CFAP91: variants seen among roughly 807,000 people sequenced by gnomAD.
The protein encoded by CFAP91 is cilia and flagella associated protein 91.
In CFAP91, 85 loss-of-function variants were observed where a neutral mutation model predicts 95.9. That is an observed-to-expected ratio of 0.89 (90% confidence interval 0.74 to 1.06). The LOEUF (loss-of-function observed/expected upper bound fraction) is 1.06. Among genes scored for constraint, CFAP91 ranks in the 50% least tolerant of loss-of-function variants. CFAP91 has a pLI of 0.00. For missense variants in CFAP91, 962 were observed against 943.4 expected (o/e 1.02, Z -0.26); for synonymous variants, 335 against 327.5 (o/e 1.02, Z -0.25).
chr3:119,732,569 T>A, intron 9 of CFAP91, 93 bp downstream of exon 9: 1 of 930,116 alleles, frequency 1.1e-6, no homozygotes, highest in Non-Finnish European at 1.6e-6. Context: ...GATTAAAAGC[T>A]AAGCAATAAA....
At position 119,732,420 on chromosome 3, in the gene CFAP91, C is replaced by G. The variant is rs151167502; in HGVS notation, c.1145C>G (p.Pro382Arg). 106 of 1,612,344 alleles carry G rather than the reference C, an allele frequency of 6.6e-5. No individual in the cohort carries two copies. Among genetic ancestry groups the G allele is most frequent in the Admixed American group, 4.2e-4 (25 of 59,694 alleles). ...CCTCTGTCTCGTCTTGGGTGTTTCC[C>G]AGACAACAACTCAGAGGACTTTGTA... The part of the protein sequence containing the change: ...YGPLSRLGCF[P>R]DNNSEDFVVK... The change falls in exon 9 of 18, where the codon CCA becomes CGA. Residue 382 changes from proline to arginine, a missense_variant. By Grantham distance (103) the Pro-to-Arg change is moderately radical. Transcript: ENST00000273390.
At chr3:119,722,657 TA>T (rs1253756592) in intron 6 of CFAP91, among the ~76,000 whole-genome samples, 1 of 151,930 alleles carries the variant, frequency 6.6e-6, no homozygotes, top group South Asian at 2.1e-4. Flanking sequence ...CCATGCTAAT[TA>T]AAAAAATATA....
chr3:119,729,189 G>A (rs1262634855), intron 7 of CFAP91, among the ~76,000 whole-genome samples: 2 of 152,158 alleles, frequency 1.3e-5, no homozygotes, highest in South Asian at 2.1e-4. Flanking sequence ...CCAGACATGA[G>A]CCAGGGAATA....
intron 4 of CFAP91, 149 bp from the exon 5 acceptor site, chr3:119,709,690 A>AT (rs2053439471): frequency 4.6e-6 from 3 of 653,742 alleles, no homozygotes; most frequent in East Asian, 2.7e-5. Context: ...CCCTGCAGTG[A>AT]TTTTTTATGT....
intron 5 of CFAP91, among the ~76,000 whole-genome samples, chr3:119,710,802 A>G (rs1488522969): frequency 6.6e-6 from 1 of 152,212 alleles, no homozygotes; most frequent in Non-Finnish European, 1.5e-5. Flanking sequence ...CTGCCCCACA[A>G]CGGAGTGAAC....
chr3:119,748,043 A>G (rs111966462), intron 16 of CFAP91, 141 bp downstream of exon 16: 1 of 657,716 alleles, frequency 1.5e-6, no homozygotes, highest in Non-Finnish European at 2.6e-6. Context: ...AGAGCTTGTC[A>G]GGTTCTCTTC....
At chr3:119,754,312 T>G (rs1347902574) in intron 17 of CFAP91, among the ~76,000 whole-genome samples, 2 of 152,252 alleles carry the variant, frequency 1.3e-5, no homozygotes, top group African/African-American at 4.8e-5. Flanking sequence ...AAGCAAAGTG[T>G]TAAAGGAGCA....
intron 12 of CFAP91, 116 bp from the exon 13 acceptor site, chr3:119,740,433 A>C (rs1449417127): frequency 2.5e-6 from 3 of 1,205,994 alleles, no homozygotes; most frequent in Non-Finnish European, 3.5e-6. Flanking sequence ...GGAACCCAAA[A>C]GGCAGGACAG....
At chr3:119,708,020 G>A (rs1344898772) in intron 3 of CFAP91, among the ~76,000 whole-genome samples, 3 of 152,002 alleles carry the variant, frequency 2.0e-5, no homozygotes, top group Non-Finnish European at 4.4e-5. Flanking sequence ...AGTGGCTCAC[G>A]CCTGTAATCC....
intron 11 of CFAP91, among the ~76,000 whole-genome samples, chr3:119,737,804 C>A (rs540009991): frequency 7.9e-5 from 12 of 152,330 alleles, no homozygotes; most frequent in African/African-American, 2.9e-4. Context: ...TAGCTATCTT[C>A]CCACATGGAG....
At chr3:119,762,385 A>G (rs2054552391) in intron 17 of CFAP91, among the ~76,000 whole-genome samples, 1 of 152,118 alleles carries the variant, frequency 6.6e-6, no homozygotes, top group South Asian at 2.1e-4. Context: ...TGGAAGAATT[A>G]ATATTGTTTA....
intron 10 of CFAP91, 65 bp from the exon 11 acceptor site, chr3:119,737,301 T>C (rs1229814674): frequency 1.0e-6 from 1 of 990,526 alleles, no homozygotes; most frequent in Admixed American, 2.3e-5. Flanking sequence ...AACTGCACTT[T>C]TACCTCTTAA....
chr3:119,706,837 A>C lies in CFAP91; in HGVS notation c.153A>C (p.Lys51Asn), dbSNP rs1323137094. 3 of 1,613,614 alleles carry C rather than the reference A, an allele frequency of 1.9e-6. No homozygotes were observed. The highest frequency in any genetic ancestry group is 1.1e-5 in the South Asian group (1 of 91,052). The change falls in exon 2 of 18, where the codon AAA becomes AAC. Residue 51 changes from lysine to asparagine, a missense_variant. Transcript: ENST00000273390. ...CATTGTTTATTGTGTCAAGTGAGAAAGACCATACACAGGCAAATATCCAAG... is the reference window on the plus strand; with the variant it reads ...CATTGTTTATTGTGTCAAGTGAGAACGACCATACACAGGCAAATATCCAAG... ...YDPLFIVSSE[K>N]DHTQANIQAT...
chr3:119,732,363 A>G lies in CFAP91; in HGVS notation c.1088A>G (p.Asp363Gly), dbSNP rs549627594. ...TTGGAGAGAAGAAATATCATCAAGGATTATTCTGATTATGCATCACAGGTC... is the reference window on the plus strand; with the variant it reads ...TTGGAGAGAAGAAATATCATCAAGGGTTATTCTGATTATGCATCACAGGTC... ...GKLERRNIIK[D>G]YSDYASQVYG... The change falls in exon 9 of 18, where the codon GAT becomes GGT. Residue 363 changes from aspartate to glycine, a missense_variant. Coordinates refer to ENST00000273390, the MANE Select transcript of CFAP91 (RefSeq NM_033364.4). 1.9e-6 allele frequency: 3 copies of G among 1,612,512 alleles called. No individual in the cohort carries two copies. The highest frequency in any genetic ancestry group is 1.7e-5 in the Admixed American group (1 of 59,924).
chr3:119,726,730 T>C (rs1479778541), intron 7 of CFAP91, among the ~76,000 whole-genome samples: 1 of 151,980 alleles, frequency 6.6e-6, no homozygotes, highest in Non-Finnish European at 1.5e-5. Flanking sequence ...TGTCCCTTCA[T>C]GTTCATTCCC....
Position 119,715,637 on chromosome 3 carries a change from G to C in CFAP91, c.576G>C (p.Gln192His), listed in dbSNP as rs777243856. 1 of 1,613,648 alleles carries C rather than the reference G, an allele frequency of 6.2e-7. No homozygotes were observed. The highest frequency in any genetic ancestry group is 2.2e-5 in the East Asian group (1 of 44,890). Residue 192 changes from glutamine to histidine, a missense_variant, in exon 6 of 18, where the codon CAG becomes CAC. Coordinates refer to ENST00000273390, the MANE Select transcript of CFAP91 (RefSeq NM_033364.4). ...SIPSKSTVGT[Q>H]TDYRDADVQT... ...CTTCAAAGTCTACTGTGGGCACTCA[G>C]ACTGATTATCGGGATGCTGACGTTC...
chr3:119,719,737 G>T (rs2053646048), intron 6 of CFAP91, among the ~76,000 whole-genome samples: 1 of 152,156 alleles, frequency 6.6e-6, no homozygotes, highest in Non-Finnish European at 1.5e-5. Context: ...ATAGAAAGGG[G>T]GACAGAGTAA....
intron 8 of CFAP91, 47 bp downstream of exon 8, chr3:119,730,424 G>A: frequency 6.3e-7 from 1 of 1,575,404 alleles, no homozygotes; most frequent in African/African-American, 1.4e-5. Context: ...AGTGGGCTTT[G>A]CTTTGGATCT....
intron 5 of CFAP91, among the ~76,000 whole-genome samples, chr3:119,711,257 G>A (rs776399342): frequency 3.3e-5 from 5 of 152,144 alleles, no homozygotes; most frequent in Non-Finnish European, 4.4e-5. Context: ...CAGATTCCCT[G>A]CTCTCCCTAG....
Sources: gnomAD v4.1 joint callset for allele counts (sites outside exome capture counted in the v4.1 genomes callset) on GRCh38, gnomAD v4.1.1 for gene constraint, MANE v1.5 for transcripts, NCBI Gene and HGNC (gene_info 2026-07-23, HGNC 2026-07-21) for gene names.